The following TENM1 variants were observed in gnomAD, a reference collection of about 807,000 sequenced individuals.
TENM1 encodes teneurin transmembrane protein 1.
A neutral mutation model predicts 174.8 loss-of-function variants in TENM1; 35 were observed. The ratio of observed to expected loss-of-function variants is 0.20; its 90% confidence interval spans 0.15 to 0.27. TENM1 has a LOEUF of 0.27. TENM1 is among the 10% of genes least tolerant of loss of function. The pLI is 1.00. For missense variants in TENM1, 1,633 were observed against 2,130.1 expected (o/e 0.77, Z 4.59); for synonymous variants, 781 against 798.7 (o/e 0.98, Z 0.37).
chrX:124,896,103 T>C (rs1264902203), exon 2 of TENM1: 2 of 1,211,299 alleles, frequency 1.7e-6, no homozygotes, highest in East Asian at 3.0e-5. Flanking sequence ...TCTTAGTGCA[T>C]GGTCAGGTGA....
intron 14 of TENM1, among the ~76,000 whole-genome samples, chrX:124,551,551 CACAT>C (rs1190730676): frequency 1.8e-5 from 2 of 110,634 alleles, no homozygotes; most frequent in Non-Finnish European, 3.8e-5. Context: ...CACACACACA[CACAT>C]ACACACACAC....
rs190346922 is a variant in TENM1, at chrX:124,809,681, C to T, written c.536-72484G>A. 2.7e-3 allele frequency among the ~76,000 whole-genome samples: 294 copies of T among 110,644 alleles called. 3 individuals carry two copies. Among genetic ancestry groups the T allele is most frequent in the African/African-American group, 9.0e-3 (275 of 30,502 alleles). On this transcript the variant is annotated intron_variant, in intron 3 of 31. Transcript: ENST00000422452. ...TAGAAGGAAAGTACCTGTATTAATC[C>T]TCACGCTGCTATAAAGACATACCTG...
At chrX:124,469,539 G>C (rs192101299) in intron 22 of TENM1, among the ~76,000 whole-genome samples, 1 of 111,077 alleles carries the variant, frequency 9.0e-6, no homozygotes, top group African/African-American at 3.3e-5. Context: ...AATTTCACAG[G>C]GCTCAAATTG....
intron 1 of TENM1, among the ~76,000 whole-genome samples, chrX:124,935,511 C>CT (rs1293232370): frequency 2.7e-5 from 3 of 111,632 alleles, no homozygotes; most frequent in Admixed American, 9.5e-5. Context: ...AAATTATCTG[C>CT]TTTTTTTTCA....
chrX:124,549,014 AT>A (rs915197195), intron 14 of TENM1, among the ~76,000 whole-genome samples: 8 of 111,320 alleles, frequency 7.2e-5, no homozygotes, highest in African/African-American at 2.6e-4. Context: ...CTGTATACAT[AT>A]TTTTTTCATT....
At chrX:124,868,661 G>A (rs1045090032) in intron 3 of TENM1, among the ~76,000 whole-genome samples, 11 of 110,573 alleles carry the variant, frequency 9.9e-5, no homozygotes, top group South Asian at 3.8e-4. Context: ...GCTTCTGTAC[G>A]GTAAAAGATA....
intron 11 of TENM1, among the ~76,000 whole-genome samples, chrX:124,581,542 TG>T (rs200363152): frequency 0.048 from 5,396 of 112,013 alleles, 176 homozygotes; most frequent in African/African-American, 0.11. Flanking sequence ...TGTTTTCTTT[TG>T]TATATATCCC....
intron 11 of TENM1, among the ~76,000 whole-genome samples, chrX:124,597,501 C>T (rs1437546881): frequency 9.1e-6 from 1 of 110,257 alleles, no homozygotes; most frequent in Non-Finnish European, 1.9e-5. Flanking sequence ...AATGATATAA[C>T]GGAGTATGGG....
At chrX:125,105,088 G>T in the TENM1 span, among the ~76,000 whole-genome samples, 2 of 111,905 alleles carry the variant, frequency 1.8e-5, no homozygotes, top group Non-Finnish European at 3.8e-5. Context: ...AACCTTGTAG[G>T]TTTGGTTTGA....
the TENM1 span, among the ~76,000 whole-genome samples, chrX:125,156,913 G>A: frequency 2.7e-5 from 3 of 112,679 alleles, no homozygotes; most frequent in East Asian, 8.4e-4. Flanking sequence ...CGATTCTAGA[G>A]ATGGTAACTT....
At chrX:124,499,975 T>C (rs2047290982) in intron 19 of TENM1, among the ~76,000 whole-genome samples, 1 of 111,614 alleles carries the variant, frequency 9.0e-6, no homozygotes, top group Non-Finnish European at 1.9e-5. Flanking sequence ...TATAATGGTA[T>C]AGTTAACAAT....
chrX:124,517,582 A>G (rs1471464215), intron 18 of TENM1, among the ~76,000 whole-genome samples: 1 of 100,078 alleles, frequency 1.0e-5, no homozygotes, highest in African/African-American at 3.7e-5. Flanking sequence ...CGAACACTGC[A>G]TGTTCTCACT....
chrX:124,912,629 T>C (rs1028883203), intron 1 of TENM1, among the ~76,000 whole-genome samples: 6 of 111,051 alleles, frequency 5.4e-5, no homozygotes, highest in Non-Finnish European at 9.4e-5. Flanking sequence ...TATAAAATTA[T>C]AAGTGTAACA....
At chrX:124,416,955 G>A (rs1275326536) in intron 25 of TENM1, among the ~76,000 whole-genome samples, 1 of 111,792 alleles carries the variant, frequency 8.9e-6, no homozygotes, top group Admixed American at 9.5e-5. Context: ...TGCCATTTTG[G>A]AAGCAGAGAG....
chrX:124,808,803 G>T (rs747563046), intron 3 of TENM1, among the ~76,000 whole-genome samples: 1 of 111,629 alleles, frequency 9.0e-6, no homozygotes, highest in South Asian at 3.7e-4. Context: ...ATGAAACATA[G>T]CATGCCAAAA....
At chrX:124,924,059 A>G (rs778651118) in intron 1 of TENM1, among the ~76,000 whole-genome samples, 1 of 112,573 alleles carries the variant, frequency 8.9e-6, no homozygotes, top group Admixed American at 9.4e-5. Context: ...TTTCCAAATT[A>G]CTGTGGACAG....
chrX:124,879,589 G>A (rs1257357767), intron 3 of TENM1, among the ~76,000 whole-genome samples: 1 of 111,907 alleles, frequency 8.9e-6, no homozygotes, highest in Non-Finnish European at 1.9e-5. Context: ...TGGGAGTGCA[G>A]GTGTCCCTTT....
At chrX:125,096,108 T>G in the TENM1 span, among the ~76,000 whole-genome samples, 2 of 111,972 alleles carry the variant, frequency 1.8e-5, no homozygotes, top group South Asian at 7.6e-4. Context: ...GAGAGTATGC[T>G]TATGACATCA....
chrX:125,088,911 T>G, the TENM1 span, among the ~76,000 whole-genome samples: 1 of 111,346 alleles, frequency 9.0e-6, no homozygotes, highest in African/African-American at 3.3e-5. Context: ...AGTCAAATCA[T>G]AGCTTCAAAA....
Sources: allele counts gnomAD v4.1 joint callset (sites outside exome capture counted in the v4.1 genomes callset), GRCh38; gene constraint gnomAD v4.1.1; transcripts MANE v1.5; gene names NCBI Gene and HGNC (gene_info 2026-07-23, HGNC 2026-07-21).